The following MLPH variants were observed in gnomAD, a reference collection of about 807,000 sequenced individuals.
MLPH encodes exophilin-3.
A neutral mutation model predicts 72.1 loss-of-function variants in MLPH; 51 were observed. The observed-to-expected ratio is 0.71, with a 90% CI of 0.56 to 0.89. The LOEUF (loss-of-function observed/expected upper bound fraction) is 0.89. Ranked by LOEUF, MLPH falls within the 40% of genes least tolerant of loss-of-function variation. The pLI, the probability that MLPH is intolerant of heterozygous loss-of-function variation, is 0.00. For missense variants in MLPH, 743 were observed against 759.9 expected (o/e 0.98, Z 0.26); for synonymous variants, 301 against 310.1 (o/e 0.97, Z 0.31).
In MLPH at chr2:237,516,898, AGGAT is replaced by A. The variant is rs200405097; in HGVS notation, c.446-1630_446-1627del. ...GTGGATGGATGGTAGGATGGATGGTAGGATGGATGGATGGTAGGATGGATGGATG... is the reference window on the plus strand; with the variant it reads ...GTGGATGGATGGTAGGATGGATGGTAGGATGGATGGTAGGATGGATGGATG... On this transcript the variant is annotated intron_variant, in intron 4 of 15. Coordinates refer to ENST00000264605, the MANE Select transcript of MLPH (RefSeq NM_024101.7). 6.9e-5 allele frequency among the ~76,000 whole-genome samples: 7 copies of A among 101,278 alleles called. No individual in the cohort carries two copies. In the East Asian group the frequency reaches 1.4e-3, roughly 20 times the overall value. 66.4% of individuals were successfully genotyped at this position (101,278 alleles called of 152,430 possible). A position where few individuals can be genotyped will look rare whatever the true frequency, so the allele number is the denominator to read the frequency against.
rs557211621 is a variant in MLPH, at chr2:237,515,209, C to T, written c.446-3330C>T. Among the ~76,000 whole-genome samples, 6 of 152,284 alleles carry T rather than the reference C, an allele frequency of 3.9e-5. No individual in the cohort carries two copies. In the South Asian group the frequency reaches 6.2e-4, roughly 16 times the overall value. On this transcript the variant is annotated intron_variant, in intron 4 of 15. Coordinates refer to ENST00000264605, the MANE Select transcript of MLPH (RefSeq NM_024101.7). The stretch of plus-strand genomic sequence containing the variant: ...TGTGGACATCACGGAGGAGGGTGTA[C>T]GGCACTCGGGGGCGGATGAAAGGAG...
rs746999077 is a variant in MLPH, at chr2:237,552,430, C to T, written c.1769C>T (p.Thr590Ile). 9 of 1,613,812 alleles carry T rather than the reference C, an allele frequency of 5.6e-6. No homozygotes were observed. Among genetic ancestry groups the T allele is most frequent in the Non-Finnish European group, 7.6e-6 (9 of 1,179,794 alleles). Residue 590 changes from threonine to isoleucine, a missense_variant, in exon 15 of 16, where the codon ACC (threonine) becomes ATC (isoleucine). Physicochemically the swap from Thr to Ile is moderately conservative, Grantham distance 89. Coordinates refer to ENST00000264605, the MANE Select transcript of MLPH (RefSeq NM_024101.7). ...GCGAGGAAAGGAATGGCCAGCCACA[C>T]CTTCGCGGTAAAGTTTTCTCTCATT... is the stretch of plus-strand genomic sequence containing the variant. ...PNARKGMASHTFAKPVVAHQS is the reference protein window; with the variant it reads ...PNARKGMASHIFAKPVVAHQS
chr2:237,527,339 T>C (rs1223121072), intron 7 of MLPH, 38 bp from the exon 8 acceptor site: 2 of 1,613,984 alleles, frequency 1.2e-6, no homozygotes, highest in African/African-American at 2.7e-5. Context: ...CTTTCAGGTT[T>C]TCACTGCAAG....
At chr2:237,530,101 G>A (rs189067236) in intron 8 of MLPH, among the ~76,000 whole-genome samples, 1 of 152,226 alleles carries the variant, frequency 6.6e-6, no homozygotes, top group Admixed American at 6.5e-5. Flanking sequence ...TGCACAGGAC[G>A]ACCTGAGATG....
intron 8 of MLPH, 108 bp from the exon 9 acceptor site, chr2:237,534,456 T>A: frequency 2.2e-6 from 2 of 907,350 alleles, no homozygotes; most frequent in African/African-American, 1.6e-5. Context: ...GCCTTAGCTC[T>A]CCTTCCGCTT....
intron 13 of MLPH, 112 bp from the exon 14 acceptor site, chr2:237,549,109 A>ATGGC: frequency 1.1e-6 from 1 of 911,860 alleles, no homozygotes; most frequent in Non-Finnish European, 1.8e-6. Context: ...AGAGCAGAAA[A>ATGGC]TAGTGGCCAT....
chr2:237,546,801 C>A, intron 13 of MLPH, 118 bp downstream of exon 13: 1 of 835,294 alleles, frequency 1.2e-6, no homozygotes, highest in Non-Finnish European at 2.1e-6. Context: ...CAGCTACCCA[C>A]ACAGCAATGC....
At chr2:237,528,040 G>T (rs543456030) in intron 8 of MLPH, among the ~76,000 whole-genome samples, 1 of 152,192 alleles carries the variant, frequency 6.6e-6, no homozygotes, top group African/African-American at 2.4e-5. Context: ...CTGGACACAT[G>T]CTATATGGTT....
intron 6 of MLPH, among the ~76,000 whole-genome samples, chr2:237,522,747 T>G (rs1473414320): frequency 6.6e-6 from 1 of 152,112 alleles, no homozygotes; most frequent in African/African-American, 2.4e-5. Context: ...TTCCTGCTGC[T>G]GCTAAGAGAA....
chr2:237,551,665 G>C (rs982880482), intron 14 of MLPH, among the ~76,000 whole-genome samples: 4 of 152,186 alleles, frequency 2.6e-5, no homozygotes, highest in African/African-American at 9.6e-5. Flanking sequence ...CCCTTGGGCT[G>C]TTGCCGTGTC....
chr2:237,494,828 A>G (rs1237418722), intron 2 of MLPH, among the ~76,000 whole-genome samples: 1 of 152,214 alleles, frequency 6.6e-6, no homozygotes, highest in Non-Finnish European at 1.5e-5. Flanking sequence ...GTAAAGGTGA[A>G]GCTTCATATG....
chr2:237,546,467 G>C, intron 12 of MLPH, 139 bp from the exon 13 acceptor site: 3 of 746,742 alleles, frequency 4.0e-6, no homozygotes, highest in Non-Finnish European at 7.2e-6. Flanking sequence ...CGGCATACTG[G>C]GGGTGGCTGT....
At chr2:237,516,890 TGGATGGTAGGATGGATGGATGGTA>T (rs1224316139) in intron 4 of MLPH, among the ~76,000 whole-genome samples, 4 of 143,754 alleles carry the variant, frequency 2.8e-5, no homozygotes, top group Non-Finnish European at 6.2e-5. Context: ...GATGGTAGGA[TGGATGGTAGGATGGATGGATGGTA>T]GGATGGATGG....
At chr2:237,534,774 G>C in intron 9 of MLPH, 127 bp downstream of exon 9, 1 of 797,216 alleles carries the variant, frequency 1.3e-6, no homozygotes, top group Non-Finnish European at 2.2e-6. Context: ...GTTAAGTTCT[G>C]TGTGTAGTTC....
At chr2:237,521,884 C>T (rs1056001722) in intron 6 of MLPH, among the ~76,000 whole-genome samples, 3 of 136,916 alleles carry the variant, frequency 2.2e-5, no homozygotes, top group African/African-American at 8.9e-5. Flanking sequence ...AGGGCTGAGA[C>T]TGGGCTTGGA....
rs541489644 is a variant in MLPH, at chr2:237,487,762, T to C, written c.-25+325T>C. The stretch of plus-strand genomic sequence containing the variant: ...CATTGCCTCCATTGCGAGTCTGCCA[T>C]GCAGACTGGGCCAAGGCTGCTGATG... On this transcript the variant is annotated intron_variant, in intron 1 of 15. Coordinates refer to ENST00000264605, the MANE Select transcript of MLPH (RefSeq NM_024101.7). Among the ~76,000 whole-genome samples the C allele has an allele frequency of 2.2e-3, 332 of 152,298 alleles. 1 individual carries two copies. Among genetic ancestry groups the C allele is most frequent in the African/African-American group, 7.7e-3 (320 of 41,570 alleles).
chr2:237,525,761 C>A lies in MLPH; in HGVS notation c.836C>A (p.Pro279His). 1 of 1,613,846 alleles carries A rather than the reference C, an allele frequency of 6.2e-7. No homozygotes were observed. The highest frequency in any genetic ancestry group is 2.2e-5 in the East Asian group (1 of 44,888). The part of the protein sequence containing the change: ...RHGALAELCP[P>H]GGSHRMALGT... ...GGCGCCCTGGCTGAGCTCTGCCCGC[C>A]TGGAGGCTCCCACAGGATGGCCCTG... is the stretch of plus-strand genomic sequence containing the variant. Residue 279 changes from proline to histidine, a missense_variant, in exon 7 of 16, where the codon CCT (proline) becomes CAT (histidine). Physicochemically the swap from Pro to His is moderately conservative, Grantham distance 77. Transcript: ENST00000264605.
Position 237,553,129 on chromosome 2 carries a change from C to T in MLPH, c.1777-437C>T, listed in dbSNP as rs1445560177. The T allele has an allele frequency of 2.5e-5, 12 of 473,032 alleles. No homozygotes were observed. The East Asian group carries it at 6.2e-4, about 24-fold the overall frequency. The allele number at this position is 473,032 out of a possible 1,614,324, so 29.3% of individuals were successfully genotyped here. ...AGTGGCCCCAACCAATGTGATCAGT[C>T]GCAGGAGGCAACCAATCAGAGGCTG... On this transcript the variant is annotated intron_variant, in intron 15 of 15. Transcript: ENST00000264605.
intron 1 of MLPH, among the ~76,000 whole-genome samples, chr2:237,490,399 T>C (rs2079406745): frequency 6.6e-6 from 1 of 152,218 alleles, no homozygotes; most frequent in African/African-American, 2.4e-5. Flanking sequence ...AAGCAGCCTC[T>C]AGGACATTGG....
Sources: gnomAD v4.1 joint callset for allele counts (sites outside exome capture counted in the v4.1 genomes callset) on GRCh38, gnomAD v4.1.1 for gene constraint, MANE v1.5 for transcripts, NCBI Gene and HGNC (gene_info 2026-07-23, HGNC 2026-07-21) for gene names.